NSMAF: variants seen among roughly 807,000 people sequenced by gnomAD.
NSMAF encodes protein FAN.
NSMAF carries 90 observed loss-of-function variants against 134.9 expected under a neutral mutation model. The ratio of observed to expected loss-of-function variants is 0.67; its 90% confidence interval spans 0.56 to 0.79. The LOEUF is 0.79. Ranked by LOEUF, NSMAF falls within the 30% of genes least tolerant of loss-of-function variation. The pLI, the probability that NSMAF is intolerant of heterozygous loss-of-function variation, is 0.00. For synonymous variants in NSMAF, 358 were observed against 389.6 expected (o/e 0.92, Z 0.96); for missense variants, 1,010 against 1,119.0 (o/e 0.90, Z 1.39).
chr8:58,659,062 G>C (rs901483045), intron 1 of NSMAF: 3 of 715,156 alleles, frequency 4.2e-6, no homozygotes, highest in African/African-American at 3.8e-5. Flanking sequence ...AAAAAGGCGC[G>C]GCAATGCGAG....
At chr8:58,636,489 C>CA (rs761337965) in intron 2 of NSMAF, among the ~76,000 whole-genome samples, 2 of 152,204 alleles carry the variant, frequency 1.3e-5, no homozygotes, top group East Asian at 1.9e-4. Context: ...CAGGTGATGT[C>CA]AATCTCCATA....
At chr8:58,601,150 G>A (rs1185363623) in intron 16 of NSMAF, 135 bp downstream of exon 16, 28 of 718,152 alleles carry the variant, frequency 3.9e-5, no homozygotes, top group Non-Finnish European at 6.1e-5. Flanking sequence ...AAAAGCCTGA[G>A]AGGAATAGAT....
intron 9 of NSMAF, among the ~76,000 whole-genome samples, chr8:58,619,031 G>C (rs1488623944): frequency 6.6e-6 from 1 of 152,096 alleles, no homozygotes; most frequent in Non-Finnish European, 1.5e-5. Context: ...AGTCTAAATT[G>C]CTACTTGGAA....
chr8:58,605,704 C>A (rs949257796), intron 12 of NSMAF, among the ~76,000 whole-genome samples: 11 of 151,876 alleles, frequency 7.2e-5, no homozygotes, highest in Non-Finnish European at 1.5e-4. Flanking sequence ...AAAAGAAACC[C>A]TGTCTCTACT....
intron 5 of NSMAF, 138 bp from the exon 6 acceptor site, chr8:58,631,684 A>G (rs1807061393): frequency 2.0e-6 from 1 of 502,364 alleles, no homozygotes; most frequent in East Asian, 3.6e-5. Context: ...TATTTGCTTT[A>G]GTATTAGTAC....
rs147647770 is a variant in NSMAF, at chr8:58,594,264, C to T, written c.1919G>A (p.Arg640His). The change falls in exon 23 of 31, where the codon CGC becomes CAC. Residue 640 changes from arginine (R) to histidine (H), a missense_variant. Arg to His is a conservative substitution (Grantham distance 29). Coordinates refer to ENST00000038176, the MANE Select transcript of NSMAF (RefSeq NM_003580.4). ...KEAVTGITVSRNGSSVFTTSQ... is the reference protein window; with the variant it reads ...KEAVTGITVSHNGSSVFTTSQ... Reference sequence around the variant, plus strand: ...TGTTGTGAATACTGAAGATCCATTGCGAGAGACCGTGATTCCAGTAACTGC... The same window carrying T: ...TGTTGTGAATACTGAAGATCCATTGTGAGAGACCGTGATTCCAGTAACTGC... The T allele has an allele frequency of 2.7e-5, 44 of 1,613,996 alleles. No individual in the cohort carries two copies. The highest frequency in any genetic ancestry group is 4.0e-5 in the African/African-American group (3 of 74,926).
intron 2 of NSMAF, 78 bp downstream of exon 2, chr8:58,642,906 T>C: frequency 1.9e-6 from 2 of 1,057,102 alleles, no homozygotes; most frequent in Non-Finnish European, 2.9e-6. Flanking sequence ...TTAACACCTA[T>C]ATGATCACAC....
chr8:58,641,835 T>C (rs140916412), intron 2 of NSMAF, among the ~76,000 whole-genome samples: 2 of 152,372 alleles, frequency 1.3e-5, no homozygotes, highest in African/African-American at 4.8e-5. Context: ...TACATGGGGC[T>C]GTACCATTTT....
chr8:58,628,018 G>C (rs1806975285), intron 6 of NSMAF, among the ~76,000 whole-genome samples: 1 of 152,054 alleles, frequency 6.6e-6, no homozygotes, highest in African/African-American at 2.4e-5. Context: ...AAATAGCATG[G>C]GGCTAGTATA....
At chr8:58,623,132 A>T in intron 9 of NSMAF, 88 bp downstream of exon 9, 1 of 1,017,128 alleles carries the variant, frequency 9.8e-7, no homozygotes, top group South Asian at 1.4e-5. Context: ...GAGACCAATG[A>T]TGACAGCAGG....
intron 30 of NSMAF, 45 bp from the exon 31 acceptor site, chr8:58,584,245 C>T (rs746364704): frequency 7.1e-7 from 1 of 1,401,672 alleles, no homozygotes; most frequent in Non-Finnish European, 1.0e-6. Context: ...GACCAGGAGG[C>T]ACCCAAAGAT....
Position 58,587,650 on chromosome 8 carries a change from C to T in NSMAF, c.2263G>A (p.Asp755Asn). 1.2e-6 allele frequency: 2 copies of T among 1,614,174 alleles called. No homozygotes were observed. The highest frequency in any genetic ancestry group is 1.7e-6 in the Non-Finnish European group (2 of 1,180,028). ...TCATGTTCCAGCTCGGCCAGCAAGTCAAAGTGGTGTCTTTTGGTGCCTGGC... is the reference window on the plus strand; with the variant it reads ...TCATGTTCCAGCTCGGCCAGCAAGTTAAAGTGGTGTCTTTTGGTGCCTGGC... ...EMPGTKRHHF[D>N]LLAELEHDVS... is the part of the protein sequence containing the mutation. Residue 755 changes from aspartate to asparagine, a missense_variant, in exon 27 of 31, where the codon GAC becomes AAC. Physicochemically the swap from Asp to Asn is conservative, Grantham distance 23. Coordinates refer to ENST00000038176, the MANE Select transcript of NSMAF (RefSeq NM_003580.4).
At chr8:58,618,712 G>A (rs575695578) in intron 9 of NSMAF, among the ~76,000 whole-genome samples, 1 of 152,166 alleles carries the variant, frequency 6.6e-6, no homozygotes, top group East Asian at 1.9e-4. Context: ...TAGGGGATCT[G>A]CCTTCATTGT....
Position 58,659,649 on chromosome 8 carries a change from G to C in NSMAF, c.-18C>G, listed in dbSNP as rs1265703281. The C allele has an allele frequency of 4.9e-6, 7 of 1,418,996 alleles. No homozygotes were observed. Among genetic ancestry groups the C allele is most frequent in the Middle Eastern group, 2.2e-4 (1 of 4,490 alleles). 87.9% of individuals were successfully genotyped at this position (1,418,996 alleles called of 1,614,324 possible). On this transcript the variant is annotated 5_prime_UTR_variant, in exon 1 of 31. Coordinates refer to ENST00000038176, the MANE Select transcript of NSMAF (RefSeq NM_003580.4). ...AACGCCATGGAGGGTAGGCGCGGGC[G>C]GGCGCAGAGCGCACAGGCAGGCCCC...
chr8:58,623,851 A>G, intron 6 of NSMAF, 71 bp from the exon 7 acceptor site: 1 of 1,203,510 alleles, frequency 8.3e-7, no homozygotes, highest in Admixed American at 1.7e-5. Context: ...CTTTAAGAAC[A>G]TGTGTACAGA....
chr8:58,645,861 T>C (rs1283136807), intron 1 of NSMAF, among the ~76,000 whole-genome samples: 4 of 152,030 alleles, frequency 2.6e-5, no homozygotes, highest in Non-Finnish European at 4.4e-5. Flanking sequence ...GTCAACATGG[T>C]GAAACCACCT....
chr8:58,613,470 C>T (rs1027573872), intron 9 of NSMAF, among the ~76,000 whole-genome samples: 1 of 151,722 alleles, frequency 6.6e-6, no homozygotes, highest in Non-Finnish European at 1.5e-5. Context: ...ACACAAAGTG[C>T]TACAGCTAAA....
At chr8:58,596,268 T>G (rs1806133115) in intron 21 of NSMAF, among the ~76,000 whole-genome samples, 2 of 152,216 alleles carry the variant, frequency 1.3e-5, no homozygotes, top group African/African-American at 4.8e-5. Flanking sequence ...CTGGGTCATG[T>G]AACTCCAGGA....
intron 5 of NSMAF, among the ~76,000 whole-genome samples, chr8:58,634,821 A>C (rs370339475): frequency 9.8e-5 from 15 of 152,310 alleles, no homozygotes; most frequent in African/African-American, 3.6e-4. Context: ...CACCAATCCC[A>C]AGTCATTGCC....
Sources: allele counts gnomAD v4.1 joint callset (sites outside exome capture counted in the v4.1 genomes callset), GRCh38; gene constraint gnomAD v4.1.1; transcripts MANE v1.5; gene names NCBI Gene and HGNC (gene_info 2026-07-23, HGNC 2026-07-21).